PRRG1: variants seen among roughly 807,000 people sequenced by gnomAD.
The protein encoded by PRRG1 is proline rich and Gla domain 1, also known as transmembrane gamma-carboxyglutamic acid protein 1.
PRRG1 carries 5 observed loss-of-function variants against 11.8 expected under a neutral mutation model. The observed-to-expected ratio is 0.42, with a 90% CI of 0.22 to 0.89. The LOEUF (loss-of-function observed/expected upper bound fraction) is 0.89, where lower values mean the gene tolerates loss of function less well. Ranked by LOEUF, PRRG1 falls within the 40% of genes least tolerant of loss-of-function variation. The pLI is 0.28. For missense variants in PRRG1, 155 were observed against 166.1 expected, an observed-to-expected ratio of 0.93 and a Z score of 0.37; for synonymous variants, 66 against 60.4, an observed-to-expected ratio of 1.09 and a Z score of -0.43.
intron 1 of PRRG1, among the ~76,000 whole-genome samples, chrX:37,400,815 C>T (rs1337320933): frequency 9.0e-6 from 1 of 111,175 alleles, no homozygotes; most frequent in African/African-American, 3.3e-5. Flanking sequence ...ACCACCAATC[C>T]CACAGAAATA....
Position 37,453,189 on chromosome X carries a change from A to T in PRRG1, c.225A>T (p.Gly75=). ...TKAQQGESNR[G]SDWFQFYLTF... ...CGCAACAAGGGGAGAGTAACCGAGG[A>T]AGTGACTGGTTTCAGTTTTACCTTA... The change falls in exon 4 of 4, where the codon GGA becomes GGT. Residue 75 remains glycine (G), a synonymous_variant. Coordinates refer to ENST00000378628, the MANE Select transcript of PRRG1 (RefSeq NM_001142395.2). 1 of 1,208,966 alleles carries T rather than the reference A, an allele frequency of 8.3e-7. No individual in the cohort carries two copies. The highest frequency in any genetic ancestry group is 1.8e-5 in the South Asian group (1 of 56,870).
chrX:37,372,516 G>C (rs1930798637), intron 1 of PRRG1, among the ~76,000 whole-genome samples: 1 of 111,843 alleles, frequency 8.9e-6, no homozygotes. Context: ...ATGTTGACCA[G>C]GCTGGTCTTG....
chrX:37,453,626 G>T lies in PRRG1; in HGVS notation c.*5G>T. The stretch of plus-strand genomic sequence containing the variant: ...GTGGTCACCACCATCAAATGAAGCT[G>T]CAAACTTCTTTTTACTCTAATCATT... On this transcript the variant is annotated 3_prime_UTR_variant, in exon 4 of 4. Coordinates refer to ENST00000378628, the MANE Select transcript of PRRG1 (RefSeq NM_001142395.2). 8.7e-7 allele frequency: 1 copy of T among 1,150,880 alleles called. No homozygotes were observed. The highest frequency in any genetic ancestry group is 1.2e-6 in the Non-Finnish European group (1 of 866,271). 94.8% of individuals were successfully genotyped at this position (1,150,880 alleles called of 1,213,427 possible).
intron 2 of PRRG1, among the ~76,000 whole-genome samples, chrX:37,423,305 G>C: frequency 9.2e-6 from 1 of 109,289 alleles, no homozygotes; most frequent in Non-Finnish European, 1.9e-5. Flanking sequence ...TTTTTAAATA[G>C]GAAAAAGGCT....
chrX:37,384,497 G>A (rs781830330), intron 1 of PRRG1, among the ~76,000 whole-genome samples: 2 of 111,561 alleles, frequency 1.8e-5, no homozygotes, highest in East Asian at 2.8e-4. Context: ...GAAGAGGCAC[G>A]TAACTATATT....
chrX:37,404,868 A>T (rs1316424028), intron 1 of PRRG1, among the ~76,000 whole-genome samples: 1 of 111,844 alleles, frequency 8.9e-6, no homozygotes, highest in Non-Finnish European at 1.9e-5. Flanking sequence ...TTTGTTCCAT[A>T]TGATTAAAAT....
chrX:37,388,995 A>G lies in PRRG1; in HGVS notation c.-41-17214A>G, dbSNP rs1254335185. On this transcript the variant is annotated intron_variant, in intron 1 of 3. Transcript: ENST00000378628. ...ATCTTGAATGCTTTGCTGCTGAGAC[A>G]TTTCTTCTGCCAGATATCCTAAATC... Among the ~76,000 whole-genome samples, 11 of 112,128 alleles carry G rather than the reference A, an allele frequency of 9.8e-5. No homozygotes were observed. In the Admixed American group the frequency reaches 1.0e-3, roughly 11 times the overall value.
rs2146646370 is a variant in PRRG1, at chrX:37,456,806, G to A, written c.*3185G>A. On this transcript the variant is annotated 3_prime_UTR_variant, in exon 4 of 4. Transcript: ENST00000378628. ...TGTTTTTTAAAAGTTTATTTTTACAGAATATATTTAGTACCTTTCTTAAGG... is the reference window on the plus strand; with the variant it reads ...TGTTTTTTAAAAGTTTATTTTTACAAAATATATTTAGTACCTTTCTTAAGG... 1 of 111,749 alleles carries A rather than the reference G, an allele frequency of 8.9e-6. No homozygotes were observed. The highest frequency in any genetic ancestry group is 3.2e-5 in the African/African-American group (1 of 30,779). 9.2% of individuals were successfully genotyped at this position (111,749 alleles called of 1,213,427 possible). A position where few individuals can be genotyped will look rare whatever the true frequency, so the allele number is the denominator to read the frequency against.
intron 2 of PRRG1, among the ~76,000 whole-genome samples, chrX:37,415,586 A>G (rs1932473244): frequency 9.0e-6 from 1 of 111,474 alleles, no homozygotes; most frequent in Non-Finnish European, 1.9e-5. Flanking sequence ...GGCTTTTACA[A>G]TTGCTACATT....
chrX:37,439,793 C>CTT (rs36010783), intron 3 of PRRG1, among the ~76,000 whole-genome samples: 3,486 of 73,857 alleles, frequency 0.047, 291 homozygotes, highest in African/African-American at 0.15. Context: ...CTTTAAAATT[C>CTT]TTTTTTTTTT....
intron 1 of PRRG1, among the ~76,000 whole-genome samples, chrX:37,355,627 G>T (rs889318044): frequency 9.9e-5 from 11 of 111,050 alleles, no homozygotes; most frequent in Non-Finnish European, 2.1e-4. Flanking sequence ...GGAATTAGTA[G>T]GTACCATAAA....
At position 37,455,319 on chromosome X, in the gene PRRG1, G is replaced by A. The variant is rs1051530189; in HGVS notation, c.*1698G>A. Reference sequence around the variant, plus strand: ...TTACAAGGATCAAATAAGATGGTGTGTATGTAAGAAATTTGTAAAATGTGA... The same window carrying A: ...TTACAAGGATCAAATAAGATGGTGTATATGTAAGAAATTTGTAAAATGTGA... On this transcript the variant is annotated 3_prime_UTR_variant, in exon 4 of 4. Transcript: ENST00000378628. 1 of 112,364 alleles carries A rather than the reference G, an allele frequency of 8.9e-6. No individual in the cohort carries two copies. Among genetic ancestry groups the A allele is most frequent in the African/African-American group, 3.2e-5 (1 of 30,891 alleles). 9.3% of individuals were successfully genotyped at this position (112,364 alleles called of 1,213,427 possible).
chrX:37,389,824 A>G (rs182762378), intron 1 of PRRG1, among the ~76,000 whole-genome samples: 36 of 111,525 alleles, frequency 3.2e-4, no homozygotes, highest in African/African-American at 1.1e-3. Flanking sequence ...AGGGGTGAGA[A>G]TAGACTGGGA....
intron 1 of PRRG1, among the ~76,000 whole-genome samples, chrX:37,351,427 G>A (rs782766726): frequency 1.2e-4 from 13 of 109,320 alleles, no homozygotes; most frequent in Non-Finnish European, 2.5e-4. Context: ...CCCGGGAGGC[G>A]GAGCTTGCCT....
chrX:37,436,780 A>G (rs1267196892), intron 3 of PRRG1, among the ~76,000 whole-genome samples: 2 of 112,312 alleles, frequency 1.8e-5, no homozygotes, highest in Non-Finnish European at 3.8e-5. Flanking sequence ...TGGGCAAGAA[A>G]TATAGGAGGC....
At chrX:37,447,681 CTCT>C (rs1933101611) in intron 3 of PRRG1, among the ~76,000 whole-genome samples, 1 of 112,307 alleles carries the variant, frequency 8.9e-6, no homozygotes, top group South Asian at 3.7e-4. Flanking sequence ...CATTAATATT[CTCT>C]TCAATATGTT....
rs374283395 is a variant in PRRG1, at chrX:37,453,241, A to G, written c.277A>G (p.Ile93Val). Residue 93 changes from isoleucine (I) to valine (V), a missense_variant, in exon 4 of 4, where the codon ATT (isoleucine) becomes GTT (valine). Coordinates refer to ENST00000378628, the MANE Select transcript of PRRG1 (RefSeq NM_001142395.2). Reference sequence around the variant, plus strand: ...CTTTCCGTTAATCTTTGGCCTCTTCATTATCCTCCTTGTCATTTTCCTAAT... The same window carrying G: ...CTTTCCGTTAATCTTTGGCCTCTTCGTTATCCTCCTTGTCATTTTCCTAAT... ...LTFPLIFGLFIILLVIFLIWR... is the reference protein window; with the variant it reads ...LTFPLIFGLFVILLVIFLIWR... 1.7e-5 allele frequency: 21 copies of G among 1,208,841 alleles called. No individual in the cohort carries two copies. In the East Asian group the frequency reaches 4.1e-4, roughly 24 times the overall value.
chrX:37,380,844 A>T (rs1931130674), intron 1 of PRRG1, among the ~76,000 whole-genome samples: 1 of 111,240 alleles, frequency 9.0e-6, no homozygotes, highest in African/African-American at 3.3e-5. Flanking sequence ...TTTAGCTATA[A>T]CCATATAATA....
chrX:37,377,051 AGT>A (rs1377810108), intron 1 of PRRG1, among the ~76,000 whole-genome samples: 1 of 111,257 alleles, frequency 9.0e-6, no homozygotes, highest in Admixed American at 9.6e-5. Context: ...AAATTACCTA[AGT>A]GTGAACGTTT....
Sources: allele counts gnomAD v4.1 joint callset (sites outside exome capture counted in the v4.1 genomes callset), GRCh38; gene constraint gnomAD v4.1.1; transcripts MANE v1.5; gene names NCBI Gene and HGNC (gene_info 2026-07-23, HGNC 2026-07-21).